The following HMCN2 variants were observed in gnomAD, a reference collection of about 807,000 sequenced individuals.
HMCN2 encodes hemicentin-2.
Under a neutral mutation model 377.5 loss-of-function variants are expected in HMCN2, and 325 were observed. The ratio of observed to expected loss-of-function variants is 0.86; its 90% confidence interval spans 0.79 to 0.94. The LOEUF (loss-of-function observed/expected upper bound fraction) is 0.94, where lower values mean the gene tolerates loss of function less well. Among genes scored for constraint, HMCN2 ranks in the 40% least tolerant of loss-of-function variants. HMCN2 has a pLI of 0.00. For missense variants in HMCN2, 4,543 were observed against 4,725.3 expected (o/e 0.96, Z 1.13); for synonymous variants, 2,007 against 2,046.8 (o/e 0.98, Z 0.53).
chr9:130,413,583 A>G (rs1280542272), intron 85 of HMCN2, among the ~76,000 whole-genome samples: 1 of 152,180 alleles, frequency 6.6e-6, no homozygotes, highest in Non-Finnish European at 1.5e-5. Flanking sequence ...TGAAAAGTAG[A>G]GAAAAGAAGG....
At chr9:130,340,197 G>A (rs1346713704) in intron 23 of HMCN2, among the ~76,000 whole-genome samples, 6 of 152,384 alleles carry the variant, frequency 3.9e-5, no homozygotes, top group Non-Finnish European at 8.8e-5. Context: ...GAAAGAACGG[G>A]AAGCCACAGC....
chr9:130,310,094 C>G (rs1184018122), intron 15 of HMCN2, 33 bp downstream of exon 15: 2 of 494,842 alleles, frequency 4.0e-6, no homozygotes, highest in Admixed American at 2.1e-5. Context: ...CCTCCCCTGC[C>G]CATTCCCCTT....
rs544371450 is a variant in HMCN2, at chr9:130,270,771, T to C, written c.259+4634T>C. The stretch of plus-strand genomic sequence containing the variant: ...TGGCTAACTTTTTGTAGAGATGGGG[T>C]CTTGCTATGTTGCCTAGGCCGATGT... On this transcript the variant is annotated intron_variant, in intron 1 of 97. Transcript: ENST00000683500. Among the ~76,000 whole-genome samples, 53 of 148,538 alleles carry C rather than the reference T, an allele frequency of 3.6e-4. 2 individuals carry two copies. The highest frequency in any genetic ancestry group is 1.3e-3 in the Admixed American group (20 of 14,836).
rs374459520 is a variant in HMCN2, at chr9:130,402,622, A to T, written c.11771-167A>T. Reference sequence around the variant, plus strand: ...CTGCTTTGGGCAGGGCACAGAGGCAAACCTAGATGTCAGGTTCCCATACAG... The same window carrying T: ...CTGCTTTGGGCAGGGCACAGAGGCATACCTAGATGTCAGGTTCCCATACAG... On this transcript the variant is annotated intron_variant, in intron 77 of 97. Transcript: ENST00000683500. Among the ~76,000 whole-genome samples the T allele has an allele frequency of 1.1e-4, 16 of 152,334 alleles. No individual in the cohort carries two copies. In the East Asian group the frequency reaches 1.5e-3, roughly 15 times the overall value.
intron 1 of HMCN2, among the ~76,000 whole-genome samples, chr9:130,277,288 G>T (rs1554923465): frequency 6.6e-6 from 1 of 152,234 alleles, no homozygotes; most frequent in African/African-American, 2.4e-5. Flanking sequence ...CATCCCTGCA[G>T]CCAGCAGGCC....
chr9:130,391,094 G>A lies in HMCN2; in HGVS notation c.9641G>A (p.Arg3214His), dbSNP rs376070642. The A allele has an allele frequency of 1.3e-5, 13 of 987,648 alleles. No homozygotes were observed. The highest frequency in any genetic ancestry group is 3.5e-5 in the African/African-American group (2 of 57,282). 61.2% of individuals were successfully genotyped at this position (987,648 alleles called of 1,614,324 possible). A position where few individuals can be genotyped will look rare whatever the true frequency, so the allele number is the denominator to read the frequency against. Residue 3214 changes from arginine to histidine, a missense_variant, in exon 63 of 98, where the codon CGC becomes CAC. This residue lies in a region of HMCN2 where 736 missense variants were observed against 773.2 expected (regional missense o/e 0.95). Transcript: ENST00000683500. ...GCTGAGAACACCCAGGCTGAGGCCC[G>A]CAAGGACTTCGTGGTAGCAGTGCTG... ...CVAENTQAEA[R>H]KDFVVAVLVA...
Position 130,402,904 on chromosome 9 carries a change from T to C in HMCN2, c.11878+8T>C. 1 of 1,288,546 alleles carries C rather than the reference T, an allele frequency of 7.8e-7. No individual in the cohort carries two copies. Among genetic ancestry groups the C allele is most frequent in the East Asian group, 5.6e-5 (1 of 17,992 alleles). The allele number at this position is 1,288,546 out of a possible 1,614,324, so 79.8% of individuals were successfully genotyped here. A position where few individuals can be genotyped will look rare whatever the true frequency, so the allele number is the denominator to read the frequency against. ...TCTTCCTCACTGTGCAAGGTAAGGG[T>C]CCGTGGTCCAGACCCCAGAGTTCCT... On this transcript the variant is annotated splice_region_variant and intron_variant, in intron 78 of 97. Transcript: ENST00000683500.
intron 23 of HMCN2, among the ~76,000 whole-genome samples, chr9:130,339,593 C>T (rs1838942785): frequency 6.6e-6 from 1 of 152,210 alleles, no homozygotes; most frequent in Admixed American, 6.5e-5. Flanking sequence ...GTCACTTGGC[C>T]TCTCTGAGCT....
chr9:130,433,744 C>T lies in HMCN2; in HGVS notation c.*51C>T. On this transcript the variant is annotated 3_prime_UTR_variant, in exon 98 of 98. Coordinates refer to ENST00000683500, the MANE Select transcript of HMCN2 (RefSeq NM_001291815.2). ...CTGGCGTGACCCCCGAGGAAGGGGT[C>T]GAGGAGAAGCTTGGTCCACGCCACC... 3 of 1,346,906 alleles carry T rather than the reference C, an allele frequency of 2.2e-6. No individual in the cohort carries two copies. Among genetic ancestry groups the T allele is most frequent in the East Asian group, 3.1e-5 (1 of 32,534 alleles). 83.4% of individuals were successfully genotyped at this position (1,346,906 alleles called of 1,614,324 possible).
intron 73 of HMCN2, among the ~76,000 whole-genome samples, chr9:130,396,734 G>A (rs1001319384): frequency 1.3e-5 from 2 of 152,142 alleles, no homozygotes; most frequent in Non-Finnish European, 1.5e-5. Flanking sequence ...AATTCCCAGG[G>A]CACAGAATGC....
chr9:130,383,626 C>T (rs992464863), intron 57 of HMCN2, 26 bp downstream of exon 57: 1 of 969,358 alleles, frequency 1.0e-6, no homozygotes, highest in African/African-American at 1.8e-5. Context: ...CAGGCAGCCC[C>T]TGTGGGTTCC....
At position 130,410,604 on chromosome 9, in the gene HMCN2, G is replaced by A; in HGVS notation, c.12913G>A (p.Glu4305Lys). 2 of 1,550,650 alleles carry A rather than the reference G, an allele frequency of 1.3e-6. No homozygotes were observed. Among genetic ancestry groups the A allele is most frequent in the Non-Finnish European group, 1.7e-6 (2 of 1,147,018 alleles). The change falls in exon 85 of 98, where the codon GAG (glutamate) becomes AAG (lysine). Residue 4305 changes from glutamate (E) to lysine (K), a missense_variant. Transcript: ENST00000683500. ...DDAGRYQCLA[E>K]NEMGVAKKVV... ...TGCGGGACGGTACCAGTGCCTGGCA[G>A]AGAATGAGATGGGCGTGGCGAAGAA...
intron 25 of HMCN2, among the ~76,000 whole-genome samples, chr9:130,343,273 T>A (rs1372053875): frequency 5.3e-5 from 8 of 152,188 alleles, no homozygotes; most frequent in Non-Finnish European, 1.0e-4. Context: ...GGGCTGAGGT[T>A]CTCTGGAGGG....
At chr9:130,380,345 G>C (rs1841641722) in intron 54 of HMCN2, among the ~76,000 whole-genome samples, 1 of 152,200 alleles carries the variant, frequency 6.6e-6, no homozygotes, top group Non-Finnish European at 1.5e-5. Context: ...GGCTCATGAG[G>C]GAAGCGTGGG....
intron 77 of HMCN2, among the ~76,000 whole-genome samples, chr9:130,401,574 C>A (rs1335692480): frequency 1.3e-5 from 2 of 152,304 alleles, no homozygotes; most frequent in African/African-American, 4.8e-5. Context: ...CTGCCCTTCT[C>A]AGCCTCCCAA....
At chr9:130,287,414 A>G (rs1835474112) in intron 4 of HMCN2, among the ~76,000 whole-genome samples, 1 of 151,386 alleles carries the variant, frequency 6.6e-6, no homozygotes, top group Non-Finnish European at 1.5e-5. Context: ...GCTTAAGCGC[A>G]CCTCCTCATG....
intron 30 of HMCN2, 129 bp from the exon 31 acceptor site, chr9:130,352,798 C>T (rs145995525): frequency 1.4e-6 from 1 of 700,434 alleles, no homozygotes; most frequent in Non-Finnish European, 2.0e-6. Flanking sequence ...GTCCACCATG[C>T]CTTCCCTGCC....
At chr9:130,416,432 C>T (rs1244218200) in intron 85 of HMCN2, among the ~76,000 whole-genome samples, 1 of 152,056 alleles carries the variant, frequency 6.6e-6, no homozygotes, top group Non-Finnish European at 1.5e-5. Context: ...GGAATCACCC[C>T]ACACGTGCTC....
intron 15 of HMCN2, among the ~76,000 whole-genome samples, chr9:130,316,393 T>C (rs1350309235): frequency 7.2e-6 from 1 of 138,894 alleles, no homozygotes; most frequent in Non-Finnish European, 1.5e-5. Flanking sequence ...TGGGCGTGGC[T>C]GAAGTCCCAG....
Sources: allele counts gnomAD v4.1 joint callset (sites outside exome capture counted in the v4.1 genomes callset), GRCh38; gene constraint gnomAD v4.1.1; regional missense constraint gnomAD v4.1.1; transcripts MANE v1.5; gene names NCBI Gene and HGNC (gene_info 2026-07-23, HGNC 2026-07-21).